Variants in RAD51B observed in about 807,000 individuals in gnomAD.
The protein encoded by RAD51B is DNA repair protein RAD51 homolog 2.
A neutral mutation model predicts 42.2 loss-of-function variants in RAD51B; 38 were observed. The ratio of observed to expected loss-of-function variants is 0.90; its 90% confidence interval spans 0.70 to 1.18. The LOEUF is 1.18. RAD51B is among the 50% of genes most tolerant of loss of function. The pLI, the probability that RAD51B is intolerant of heterozygous loss-of-function variation, is 0.00. For synonymous variants in RAD51B, 154 were observed against 145.2 expected (o/e 1.06, Z -0.43); for missense variants, 373 against 400.7 (o/e 0.93, Z 0.59).
chr14:67,898,692 AACAT>A (rs1368930668), intron 7 of RAD51B, among the ~76,000 whole-genome samples: 1 of 152,220 alleles, frequency 6.6e-6, no homozygotes, highest in Non-Finnish European at 1.5e-5. Context: ...GTATGCATTA[AACAT>A]ACACAGTTTT....
At chr14:68,052,628 CT>C (rs57405601) in intron 7 of RAD51B, among the ~76,000 whole-genome samples, 39,109 of 143,708 alleles carry the variant, frequency 0.27, 6,388 homozygotes, top group African/African-American at 0.48. Flanking sequence ...TCTTCTTCTT[CT>C]TTTTTTTTTT....
intron 10 of RAD51B, among the ~76,000 whole-genome samples, chr14:68,493,652 C>T (rs551874598): frequency 1.3e-5 from 2 of 152,324 alleles, no homozygotes; most frequent in East Asian, 1.9e-4. Context: ...ATGTATGTCC[C>T]AGACCTATTT....
intron 7 of RAD51B, among the ~76,000 whole-genome samples, chr14:68,169,261 G>A (rs2078817835): frequency 6.6e-6 from 1 of 152,114 alleles, no homozygotes. Context: ...AAAAGGGCAA[G>A]GGAGTACCCA....
chr14:68,309,244 TTCTC>T (rs2081925161), intron 8 of RAD51B, among the ~76,000 whole-genome samples: 3 of 152,252 alleles, frequency 2.0e-5, no homozygotes, highest in Admixed American at 1.3e-4. Context: ...GAAGCTCTGT[TTCTC>T]TCTGTCTGAT....
At chr14:68,460,403 A>C (rs1325112433) in intron 9 of RAD51B, among the ~76,000 whole-genome samples, 1 of 152,158 alleles carries the variant, frequency 6.6e-6, no homozygotes, top group African/African-American at 2.4e-5. Context: ...CAGTGAGCCA[A>C]GATCACACCA....
intron 10 of RAD51B, among the ~76,000 whole-genome samples, chr14:68,534,875 A>G (rs1033200620): frequency 6.6e-6 from 1 of 152,204 alleles, no homozygotes; most frequent in African/African-American, 2.4e-5. Context: ...TGATTGATTG[A>G]TTAATAGTAG....
chr14:67,924,092 T>G (rs2044422150), intron 7 of RAD51B, among the ~76,000 whole-genome samples: 1 of 152,216 alleles, frequency 6.6e-6, no homozygotes, highest in South Asian at 2.1e-4. Flanking sequence ...TTTTTCTTGC[T>G]GATTTGTTTG....
chr14:67,830,990 G>A (rs554198211), intron 3 of RAD51B, among the ~76,000 whole-genome samples: 1 of 151,252 alleles, frequency 6.6e-6, no homozygotes, highest in African/African-American at 2.4e-5. Flanking sequence ...ATTCTCCTGC[G>A]TTAGCCTCCC....
chr14:68,382,115 G>A lies in RAD51B; in HGVS notation c.854-29309G>A, dbSNP rs114547902. Among the ~76,000 whole-genome samples, 821 of 152,316 alleles carry A rather than the reference G, an allele frequency of 5.4e-3. 11 individuals are homozygous for A. The highest frequency in any genetic ancestry group is 0.019 in the African/African-American group (782 of 41,558). On this transcript the variant is annotated intron_variant, in intron 8 of 10. Coordinates refer to ENST00000471583, the MANE Select transcript of RAD51B (RefSeq NM_133510.4). ...AGACAAAGGCCATTTATTTAGCTCT[G>A]GCCAGTTGGTTTATCTAGCCTGACA...
In RAD51B at chr14:67,890,567, C is replaced by T. The variant is rs1409550731; in HGVS notation, c.756+3363C>T. Among the ~76,000 whole-genome samples the T allele has an allele frequency of 5.9e-5, 9 of 151,262 alleles. No homozygotes were observed. In the South Asian group the frequency reaches 1.9e-3, roughly 32 times the overall value. Reference sequence around the variant, plus strand: ...TGCTGGTGCGCTGCACCCACTAACTCGTCATCTAGCATTAGGTATATCTCC... The same window carrying T: ...TGCTGGTGCGCTGCACCCACTAACTTGTCATCTAGCATTAGGTATATCTCC... On this transcript the variant is annotated intron_variant, in intron 7 of 10. Transcript: ENST00000471583.
chr14:68,672,998 C>G (rs1309410646), intron 11 of RAD51B, among the ~76,000 whole-genome samples: 2 of 152,172 alleles, frequency 1.3e-5, no homozygotes, highest in African/African-American at 2.4e-5. Flanking sequence ...TGTTTGTAAA[C>G]AACTCTAGAT....
chr14:68,371,049 A>G (rs1235247417), intron 8 of RAD51B, among the ~76,000 whole-genome samples: 5 of 114,700 alleles, frequency 4.4e-5, no homozygotes, highest in Non-Finnish European at 9.3e-5. Flanking sequence ...AAAAAAAAAA[A>G]AAAAAAGAAA....
chr14:68,549,433 T>TTTTTTTTTA (rs1888407888), intron 10 of RAD51B, among the ~76,000 whole-genome samples: 3 of 93,226 alleles, frequency 3.2e-5, no homozygotes, highest in Non-Finnish European at 6.8e-5. Context: ...TTTTTTTTTT[T>TTTTTTTTTA]GAGACGGAGT....
chr14:68,558,293 G>A (rs888555959), intron 10 of RAD51B, among the ~76,000 whole-genome samples: 2 of 152,230 alleles, frequency 1.3e-5, no homozygotes, highest in East Asian at 1.9e-4. Context: ...CACCATCGGG[G>A]GCTCAGCACC....
intron 7 of RAD51B, among the ~76,000 whole-genome samples, chr14:68,248,295 G>C (rs561926397): frequency 6.6e-6 from 1 of 152,094 alleles, no homozygotes; most frequent in Admixed American, 6.6e-5. Context: ...GAGGGAATAG[G>C]CCTTTTAAAT....
At chr14:67,997,075 A>G (rs1262019009) in intron 7 of RAD51B, among the ~76,000 whole-genome samples, 1 of 152,250 alleles carries the variant, frequency 6.6e-6, no homozygotes, top group East Asian at 1.9e-4. Flanking sequence ...GGGGAAGAAC[A>G]GGACTTGTTA....
intron 7 of RAD51B, chr14:68,149,704 T>A (rs2078334046): frequency 6.6e-6 from 1 of 152,264 alleles, no homozygotes; most frequent in African/African-American, 2.4e-5. Flanking sequence ...ATGGGAGTTT[T>A]GGAGTGCTCC....
At chr14:68,048,577 C>G (rs2076340808) in intron 7 of RAD51B, among the ~76,000 whole-genome samples, 1 of 152,076 alleles carries the variant, frequency 6.6e-6, no homozygotes, top group Non-Finnish European at 1.5e-5. Flanking sequence ...GGTTTTAGGT[C>G]TAACATTTAA....
At chr14:68,185,862 C>T (rs1427233780) in intron 7 of RAD51B, among the ~76,000 whole-genome samples, 1 of 152,186 alleles carries the variant, frequency 6.6e-6, no homozygotes, top group Non-Finnish European at 1.5e-5. Flanking sequence ...GGCCCAGTTC[C>T]TAACAGGCCA....
Sources: allele counts gnomAD v4.1 joint callset (sites outside exome capture counted in the v4.1 genomes callset), GRCh38; gene constraint gnomAD v4.1.1; transcripts MANE v1.5; gene names NCBI Gene and HGNC (gene_info 2026-07-23, HGNC 2026-07-21).